The following GABRP variants were observed in gnomAD, a reference collection of about 807,000 sequenced individuals.
GABRP encodes the protein gamma-aminobutyric acid type A receptor subunit pi, also known as gamma-aminobutyric acid receptor subunit pi.
A neutral mutation model predicts 47.8 loss-of-function variants in GABRP; 52 were observed. The observed-to-expected ratio is 1.09, with a 90% CI of 0.87 to 1.37. GABRP has a LOEUF of 1.37. Ranked by LOEUF, GABRP falls within the 40% of genes most tolerant of loss-of-function variation. The pLI, the probability that GABRP is intolerant of heterozygous loss-of-function variation, is 0.00. For missense variants in GABRP, 525 were observed against 542.8 expected, an observed-to-expected ratio of 0.97 and a Z score of 0.33; for synonymous variants, 221 against 205.8, an observed-to-expected ratio of 1.07 and a Z score of -0.63.
rs749056603 is a variant in GABRP, at chr5:170,795,367, A to T, written c.400A>T (p.Thr134Ser). Residue 134 changes from threonine to serine, a missense_variant, in exon 5 of 10, where the codon ACT becomes TCT. Transcript: ENST00000265294. ...CAAGAAGTCCTTCCTCCATGAAGTC[A>T]CTGTGGGAAACAGGCTCATCCGCCT... ...ESKKSFLHEV[T>S]VGNRLIRLFS... is the part of the protein sequence containing the mutation. 1.2e-6 allele frequency: 2 copies of T among 1,614,130 alleles called. No homozygotes were observed. The highest frequency in any genetic ancestry group is 2.2e-5 in the South Asian group (2 of 91,076).
At chr5:170,794,507 A>G (rs977890586) in intron 4 of GABRP, 3 of 386,212 alleles carry the variant, frequency 7.8e-6, no homozygotes, top group Non-Finnish European at 9.2e-6. Flanking sequence ...AAGACAATGG[A>G]AGATTCTTGT....
At chr5:170,797,182 G>T (rs981633853) in intron 5 of GABRP, among the ~76,000 whole-genome samples, 1 of 152,196 alleles carries the variant, frequency 6.6e-6, no homozygotes, top group Non-Finnish European at 1.5e-5. Context: ...GGATGCTAAA[G>T]CATCTCGAGC....
rs767775878 is a variant in GABRP at position 170,788,673 on chromosome 5, G to A, written c.53+5G>A. On this transcript the variant is annotated splice_donor_5th_base_variant and intron_variant, in intron 2 of 9. Transcript: ENST00000265294. ...TCTGAGTCTCTTCACTGAGAGGTGAGCTTTGCTACCCCCAGAATGGCCTCC... is the reference window on the plus strand; with the variant it reads ...TCTGAGTCTCTTCACTGAGAGGTGAACTTTGCTACCCCCAGAATGGCCTCC... The A allele has an allele frequency of 1.2e-6, 2 of 1,613,914 alleles. No homozygotes were observed. The highest frequency in any genetic ancestry group is 1.7e-6 in the Non-Finnish European group (2 of 1,179,850).
At chr5:170,808,579 A>C (rs756427064) in intron 7 of GABRP, 21 bp from the exon 8 acceptor site, 2 of 1,607,950 alleles carry the variant, frequency 1.2e-6, no homozygotes, top group Non-Finnish European at 8.5e-7. Flanking sequence ...ACAATTTCCT[A>C]TCTGTTGTTT....
intron 9 of GABRP, 181 bp downstream of exon 9, chr5:170,809,936 T>C: frequency 1.4e-6 from 1 of 704,790 alleles, no homozygotes; most frequent in Non-Finnish European, 2.6e-6. Context: ...AAAAAGACCA[T>C]TCTTTTCACC....
chr5:170,792,633 G>T (rs1217617045), intron 3 of GABRP, among the ~76,000 whole-genome samples: 1 of 152,074 alleles, frequency 6.6e-6, no homozygotes, highest in African/African-American at 2.4e-5. Context: ...CTTAGCACCA[G>T]GTCACTCCAG....
intron 1 of GABRP, among the ~76,000 whole-genome samples, chr5:170,786,591 T>C (rs1159024215): frequency 6.6e-6 from 1 of 152,118 alleles, no homozygotes; most frequent in African/African-American, 2.4e-5. Flanking sequence ...GTGCACTCAT[T>C]AAGAGGAGTT....
chr5:170,784,080 T>C (rs1361516783), intron 1 of GABRP, among the ~76,000 whole-genome samples: 2 of 152,170 alleles, frequency 1.3e-5, no homozygotes, highest in Non-Finnish European at 2.9e-5. Context: ...CATTCACCCC[T>C]GTGCAGCAGC....
chr5:170,813,229 A>G lies in GABRP; in HGVS notation c.*971A>G, dbSNP rs1765938993. 6.6e-6 allele frequency: 1 copy of G among 152,118 alleles called. No homozygotes were observed. Among genetic ancestry groups the G allele is most frequent in the Admixed American group, 6.5e-5 (1 of 15,276 alleles). The allele number at this position is 152,118 out of a possible 1,614,324, so 9.4% of individuals were successfully genotyped here. A position where few individuals can be genotyped will look rare whatever the true frequency, so the allele number is the denominator to read the frequency against. On this transcript the variant is annotated 3_prime_UTR_variant, in exon 10 of 10. Transcript: ENST00000265294. ...TCGCTGTCATTCTGTCATTGCTGCT[A>G]CTCTAACACTGAGCAACACTCTCCC...
chr5:170,795,893 C>T (rs749404758), intron 5 of GABRP, among the ~76,000 whole-genome samples: 1 of 152,168 alleles, frequency 6.6e-6, no homozygotes, highest in Non-Finnish European at 1.5e-5. Context: ...TGCAGCAGCT[C>T]CAGAACACCA....
chr5:170,805,121 T>C (rs1283299528), intron 6 of GABRP, among the ~76,000 whole-genome samples: 1 of 150,942 alleles, frequency 6.6e-6, no homozygotes, highest in Non-Finnish European at 1.5e-5. Context: ...AATATAGAAA[T>C]GGCTACCTTG....
chr5:170,794,402 G>T (rs1765367502), intron 4 of GABRP, 104 bp downstream of exon 4: 5 of 600,368 alleles, frequency 8.3e-6, no homozygotes, highest in Non-Finnish European at 1.4e-5. Flanking sequence ...AAAAAGAATG[G>T]CTCATGGCCC....
intron 5 of GABRP, among the ~76,000 whole-genome samples, chr5:170,795,919 T>C (rs17650871): frequency 0.1 from 15,507 of 152,188 alleles, 1,068 homozygotes; most frequent in Middle Eastern, 0.31. Flanking sequence ...CTTGTCTGAG[T>C]CATGTTTGTA....
At chr5:170,810,002 A>G (rs1246491416) in intron 9 of GABRP, 12 of 701,508 alleles carry the variant, frequency 1.7e-5, no homozygotes, top group South Asian at 4.5e-5. Context: ...TGTTATCTGT[A>G]TGCAGCATAA....
chr5:170,795,331 A>C lies in GABRP; in HGVS notation c.364A>C (p.Ile122Leu). 2 of 1,613,924 alleles carry C rather than the reference A, an allele frequency of 1.2e-6. No individual in the cohort carries two copies. The highest frequency in any genetic ancestry group is 1.7e-6 in the Non-Finnish European group (2 of 1,179,972). Residue 122 changes from isoleucine (I) to leucine (L), a missense_variant, in exon 5 of 10, where the codon ATT (isoleucine) becomes CTT (leucine). Physicochemically the swap from Ile to Leu is conservative, Grantham distance 5 (BLOSUM62 2). Coordinates refer to ENST00000265294, the MANE Select transcript of GABRP (RefSeq NM_014211.3). Reference protein sequence around the residue: ...VEFLWVPDTYIVESKKSFLHE... With the variant: ...VEFLWVPDTYLVESKKSFLHE... ...GTTCCTCTGGGTGCCAGATACTTAC[A>C]TTGTGGAGTCCAAGAAGTCCTTCCT...
chr5:170,784,927 C>T (rs1765090067), intron 1 of GABRP, among the ~76,000 whole-genome samples: 1 of 152,178 alleles, frequency 6.6e-6, no homozygotes, highest in Non-Finnish European at 1.5e-5. Flanking sequence ...AGCACCATGT[C>T]CCTGCAGATG....
At chr5:170,787,548 G>A (rs186233882) in intron 1 of GABRP, among the ~76,000 whole-genome samples, 32 of 152,310 alleles carry the variant, frequency 2.1e-4, no homozygotes, top group African/African-American at 5.3e-4. Context: ...AGGAGGTCAC[G>A]ACAGCAGCAA....
intron 7 of GABRP, among the ~76,000 whole-genome samples, chr5:170,808,111 A>G (rs1271173053): frequency 1.3e-5 from 2 of 152,214 alleles, no homozygotes; most frequent in Non-Finnish European, 2.9e-5. Context: ...AGATTCCCTA[A>G]GGATGGCCCT....
intron 9 of GABRP, among the ~76,000 whole-genome samples, chr5:170,811,356 G>T (rs963420343): frequency 6.6e-6 from 1 of 151,594 alleles, no homozygotes; most frequent in African/African-American, 2.4e-5. Flanking sequence ...CCCCAGCCAT[G>T]TTGGAGAATG....
Sources: gnomAD v4.1 joint callset for allele counts (sites outside exome capture counted in the v4.1 genomes callset) on GRCh38, gnomAD v4.1.1 for gene constraint, MANE v1.5 for transcripts, NCBI Gene and HGNC (gene_info 2026-07-23, HGNC 2026-07-21) for gene names.